Variants in ATXN1 observed in about 807,000 individuals in gnomAD.
ATXN1 encodes ataxin-1.
In ATXN1, 8 loss-of-function variants were observed where a neutral mutation model predicts 56.4. The ratio of observed to expected loss-of-function variants is 0.14; its 90% confidence interval spans 0.08 to 0.26. ATXN1 has a LOEUF of 0.26. Among genes scored for constraint, ATXN1 ranks in the 10% least tolerant of loss-of-function variants. The pLI is 1.00. For missense variants in ATXN1, 987 were observed against 1,106.5 expected (o/e 0.89, Z 1.53); for synonymous variants, 514 against 494.6 (o/e 1.04, Z -0.52).
chr6:16,530,887 AT>A (rs1402770925), intron 4 of ATXN1, among the ~76,000 whole-genome samples: 1 of 152,150 alleles, frequency 6.6e-6, no homozygotes, highest in African/African-American at 2.4e-5. Flanking sequence ...CATTATCTCA[AT>A]GCTTATTATA....
chr6:16,476,983 C>T (rs374178081), intron 6 of ATXN1, among the ~76,000 whole-genome samples: 11 of 152,168 alleles, frequency 7.2e-5, no homozygotes, highest in East Asian at 1.9e-4. Flanking sequence ...CAAATGACAA[C>T]GGTCATTGAG....
intron 4 of ATXN1, among the ~76,000 whole-genome samples, chr6:16,542,961 C>A (rs1484921132): frequency 6.6e-6 from 1 of 151,834 alleles, no homozygotes; most frequent in Admixed American, 6.6e-5. Flanking sequence ...TTTTGTACCA[C>A]GCTTGACTGT....
At chr6:16,428,321 G>A (rs530737488) in intron 6 of ATXN1, among the ~76,000 whole-genome samples, 1 of 151,954 alleles carries the variant, frequency 6.6e-6, no homozygotes, top group African/African-American at 2.4e-5. Context: ...GTTTCACCAT[G>A]TTGGCCAGGC....
intron 4 of ATXN1, among the ~76,000 whole-genome samples, chr6:16,523,964 A>T (rs1761343219): frequency 6.6e-6 from 1 of 152,242 alleles, no homozygotes; most frequent in Non-Finnish European, 1.5e-5. Context: ...CAGGTTTAAG[A>T]GAGGCTGTGA....
intron 3 of ATXN1, among the ~76,000 whole-genome samples, chr6:16,618,488 T>C (rs764044374): frequency 6.6e-6 from 1 of 152,174 alleles, no homozygotes; most frequent in South Asian, 2.1e-4. Context: ...CCCAGCACTT[T>C]GGGAGGCCGA....
intron 4 of ATXN1, among the ~76,000 whole-genome samples, chr6:16,568,010 G>A (rs979928970): frequency 6.6e-6 from 1 of 152,154 alleles, no homozygotes; most frequent in African/African-American, 2.4e-5. Context: ...ATAAACGTCA[G>A]AGCTCTTTTA....
chr6:16,377,131 G>C (rs1182397796), intron 6 of ATXN1, among the ~76,000 whole-genome samples: 1 of 152,144 alleles, frequency 6.6e-6, no homozygotes, highest in Non-Finnish European at 1.5e-5. Flanking sequence ...TGTCATCTAT[G>C]AACCAAAAAA....
chr6:16,454,125 C>CAAAAAAAAA (rs56277549), intron 6 of ATXN1, among the ~76,000 whole-genome samples: 48 of 76,636 alleles, frequency 6.3e-4, no homozygotes, highest in East Asian at 3.0e-3. Context: ...GACTCTGTCT[C>CAAAAAAAAA]AAAAAAAAAA....
At chr6:16,567,493 G>C (rs1219664796) in intron 4 of ATXN1, among the ~76,000 whole-genome samples, 1 of 152,120 alleles carries the variant, frequency 6.6e-6, no homozygotes, top group Non-Finnish European at 1.5e-5. Context: ...GCATGTGTGA[G>C]GGGGGAACAA....
chr6:16,510,508 G>T (rs552429084), intron 5 of ATXN1, among the ~76,000 whole-genome samples: 1 of 152,152 alleles, frequency 6.6e-6, no homozygotes, highest in Non-Finnish European at 1.5e-5. Flanking sequence ...GGCAGAGGTG[G>T]GAGAATCACT....
At chr6:16,720,468 A>G (rs1759724358) in intron 2 of ATXN1, among the ~76,000 whole-genome samples, 1 of 152,220 alleles carries the variant, frequency 6.6e-6, no homozygotes, top group Non-Finnish European at 1.5e-5. Context: ...GACATTCAAT[A>G]AATACTTGGT....
intron 4 of ATXN1, among the ~76,000 whole-genome samples, chr6:16,526,959 G>C (rs1761407472): frequency 6.8e-6 from 1 of 146,616 alleles, no homozygotes; most frequent in African/African-American, 2.5e-5. Flanking sequence ...AAAGTTAACT[G>C]AAAAAACTGT....
In ATXN1 at chr6:16,760,511, T is replaced by C. The variant is rs1761053500; in HGVS notation, c.-730+787A>G. On this transcript the variant is annotated intron_variant, in intron 1 of 7. Transcript: ENST00000436367. This position sits in a 1 kb window ranked among gnomAD's most constrained non-coding sequence, Gnocchi z 5.3. ...GCCGTCACCGCCACTCCAGCCGCGC[T>C]CCAGGCACCCGCACACCCGCTACCC... Among the ~76,000 whole-genome samples, 1 of 150,968 alleles carries C rather than the reference T, an allele frequency of 6.6e-6. No individual in the cohort carries two copies. Among genetic ancestry groups the C allele is most frequent in the Non-Finnish European group, 1.5e-5 (1 of 67,678 alleles).
chr6:16,667,047 G>A (rs1038591910), intron 2 of ATXN1: 2 of 152,158 alleles, frequency 1.3e-5, no homozygotes, highest in Non-Finnish European at 2.9e-5. Flanking sequence ...CACATGCAAT[G>A]ATAATAGCTA....
intron 6 of ATXN1, among the ~76,000 whole-genome samples, chr6:16,429,269 C>G (rs1172285865): frequency 6.6e-6 from 1 of 151,416 alleles, no homozygotes; most frequent in Non-Finnish European, 1.5e-5. Flanking sequence ...TTTCAAACTC[C>G]TTTTTCCTTA....
chr6:16,519,064 T>C (rs375710511), intron 5 of ATXN1, among the ~76,000 whole-genome samples: 59 of 152,328 alleles, frequency 3.9e-4, no homozygotes, highest in African/African-American at 1.3e-3. Context: ...CCTTGGGAGA[T>C]GGAGTGAGAA....
chr6:16,573,784 G>A (rs1349344197), intron 4 of ATXN1, among the ~76,000 whole-genome samples: 1 of 152,090 alleles, frequency 6.6e-6, no homozygotes, highest in Admixed American at 6.5e-5. Context: ...TGTCCCTGCT[G>A]CCACTGTGCC....
chr6:16,403,202 C>A (rs2113539434), intron 6 of ATXN1, among the ~76,000 whole-genome samples: 1 of 152,314 alleles, frequency 6.6e-6, no homozygotes, highest in South Asian at 2.1e-4. Flanking sequence ...CCAAACCTAG[C>A]AGACCAAGTT....
intron 3 of ATXN1, among the ~76,000 whole-genome samples, chr6:16,631,766 G>A (rs1561786476): frequency 6.6e-6 from 1 of 152,134 alleles, no homozygotes; most frequent in East Asian, 1.9e-4. Flanking sequence ...ATCAATAAGA[G>A]TTTTGTTTCA....
Sources: gnomAD v4.1 joint callset for allele counts (sites outside exome capture counted in the v4.1 genomes callset) on GRCh38, gnomAD v4.1.1 for gene constraint, Gnocchi (gnomAD v3.1) non-coding constraint, MANE v1.5 for transcripts, NCBI Gene and HGNC (gene_info 2026-07-23, HGNC 2026-07-21) for gene names.